The following LTBP1 variants were observed in gnomAD, a reference collection of about 807,000 sequenced individuals.
LTBP1 encodes the protein latent transforming growth factor beta binding protein 1, also known as latent-transforming growth factor beta-binding protein 1.
Under a neutral mutation model 207.6 loss-of-function variants are expected in LTBP1, and 129 were observed. The observed-to-expected ratio is 0.62, with a 90% CI of 0.54 to 0.72. The LOEUF is 0.72. Among genes scored for constraint, LTBP1 ranks in the 30% least tolerant of loss-of-function variants. The pLI is 0.00. For missense variants in LTBP1, 2,281 were observed against 2,217.2 expected (o/e 1.03, Z -0.58); for synonymous variants, 963 against 833.7 (o/e 1.16, Z -2.67).
intron 31 of LTBP1, among the ~76,000 whole-genome samples, chr2:33,376,603 A>C (rs545066055): frequency 2.3e-4 from 35 of 152,088 alleles, no homozygotes; most frequent in Non-Finnish European, 4.9e-4. Context: ...GGTGTTTCTC[A>C]TGTGTGTTTT....
chr2:33,259,614 A>T lies in LTBP1; in HGVS notation c.2418+4A>T. 1 of 1,602,498 alleles carries T rather than the reference A, an allele frequency of 6.2e-7. No individual in the cohort carries two copies. Among genetic ancestry groups the T allele is most frequent in the East Asian group, 2.2e-5 (1 of 44,688 alleles). On this transcript the variant is annotated splice_donor_region_variant and intron_variant, in intron 13 of 33. Coordinates refer to ENST00000404816, the MANE Select transcript of LTBP1 (RefSeq NM_206943.4). Reference sequence around the variant, plus strand: ...GGCAACTGCACCCCCTGAAAAGGTAATTTATTCATTGCTTGCAAGTCTTTT... The same window carrying T: ...GGCAACTGCACCCCCTGAAAAGGTATTTTATTCATTGCTTGCAAGTCTTTT...
At chr2:33,075,293 G>A (rs929464014) in intron 3 of LTBP1, among the ~76,000 whole-genome samples, 5 of 152,056 alleles carry the variant, frequency 3.3e-5, no homozygotes, top group East Asian at 1.9e-4. Context: ...GCAGGTTTTC[G>A]GTGACCTGTG....
chr2:32,966,966 A>G lies in LTBP1; in HGVS notation c.565+18021A>G, dbSNP rs148099764. ...AGAATTAGTATACTTTCTCCCTGAA[A>G]TGTTTCCTAGAATTGAACCCATCCT... On this transcript the variant is annotated intron_variant, in intron 2 of 33. Transcript: ENST00000404816. Among the ~76,000 whole-genome samples, 453 of 152,080 alleles carry G rather than the reference A, an allele frequency of 3.0e-3. 4 individuals are homozygous for G. Among genetic ancestry groups the G allele is most frequent in the African/African-American group, 0.01 (434 of 41,504 alleles).
intron 31 of LTBP1, among the ~76,000 whole-genome samples, chr2:33,365,929 C>G (rs750962504): frequency 3.3e-5 from 5 of 152,112 alleles, no homozygotes; most frequent in African/African-American, 1.2e-4. Flanking sequence ...ATGTCAATCT[C>G]TGTATGTGGA....
At chr2:33,089,695 T>C (rs1297355834) in intron 3 of LTBP1, among the ~76,000 whole-genome samples, 1 of 152,278 alleles carries the variant, frequency 6.6e-6, no homozygotes, top group Non-Finnish European at 1.5e-5. Flanking sequence ...TCTATTAATA[T>C]GTAGCACATA....
intron 8 of LTBP1, among the ~76,000 whole-genome samples, chr2:33,220,567 A>G (rs1176952673): frequency 1.3e-5 from 2 of 152,258 alleles, no homozygotes; most frequent in Admixed American, 1.3e-4. Context: ...GAAGAAAATG[A>G]ACATAAAATC....
intron 2 of LTBP1, among the ~76,000 whole-genome samples, chr2:32,949,430 A>G (rs1402140167): frequency 6.6e-6 from 1 of 152,152 alleles, no homozygotes; most frequent in East Asian, 1.9e-4. Context: ...TTGAGGCCTG[A>G]TGGTTTTCTA....
At position 33,108,553 on chromosome 2, in the gene LTBP1, A is replaced by AG. The variant is rs571641785; in HGVS notation, c.864-2023dup. Reference sequence around the variant, plus strand: ...CTTGTCCTCCGCTTCCTCAATTCAGAGGGGGGACAAGAGACAACCTCAAGT... The same window carrying AG: ...CTTGTCCTCCGCTTCCTCAATTCAGAGGGGGGGACAAGAGACAACCTCAAGT... On this transcript the variant is annotated intron_variant, in intron 3 of 33. Transcript: ENST00000404816. 5.5e-4 allele frequency among the ~76,000 whole-genome samples: 84 copies of AG among 151,998 alleles called. No homozygotes were observed. The South Asian group carries it at 5.6e-3, about 10-fold the overall frequency.
chr2:33,060,271 A>G (rs1240995951), intron 3 of LTBP1, among the ~76,000 whole-genome samples: 1 of 152,212 alleles, frequency 6.6e-6, no homozygotes, highest in Non-Finnish European at 1.5e-5. Context: ...TGGAGAGGCT[A>G]AATGACAGTT....
At chr2:33,199,838 A>G (rs2089007057) in intron 7 of LTBP1, among the ~76,000 whole-genome samples, 1 of 152,154 alleles carries the variant, frequency 6.6e-6, no homozygotes, top group Non-Finnish European at 1.5e-5. Context: ...ATAACAGACA[A>G]ACAGAGAGCC....
At chr2:32,980,745 G>A (rs2148713209) in intron 2 of LTBP1, among the ~76,000 whole-genome samples, 1 of 152,170 alleles carries the variant, frequency 6.6e-6, no homozygotes, top group East Asian at 1.9e-4. Context: ...CTCCGTTTTA[G>A]CACTTCTTAC....
At chr2:33,117,148 AG>A (rs2080793866) in intron 4 of LTBP1, among the ~76,000 whole-genome samples, 1 of 152,208 alleles carries the variant, frequency 6.6e-6, no homozygotes, top group African/African-American at 2.4e-5. Flanking sequence ...TTGTTTTCAT[AG>A]TAGCAGCTTT....
At chr2:33,173,886 C>T (rs2085735202) in intron 5 of LTBP1, among the ~76,000 whole-genome samples, 1 of 146,328 alleles carries the variant, frequency 6.8e-6, no homozygotes, top group Non-Finnish European at 1.5e-5. Context: ...AGCATATAAA[C>T]AGAACCAAAG....
At chr2:33,306,161 T>C (rs560169353) in intron 22 of LTBP1, among the ~76,000 whole-genome samples, 1 of 152,358 alleles carries the variant, frequency 6.6e-6, no homozygotes, top group African/African-American at 2.4e-5. Context: ...TAACATATGC[T>C]CAGCTTTCTA....
intron 5 of LTBP1, among the ~76,000 whole-genome samples, chr2:33,182,594 G>A (rs541083035): frequency 1.4e-4 from 21 of 149,772 alleles, no homozygotes; most frequent in African/African-American, 4.7e-4. Flanking sequence ...CCCAGGAGGC[G>A]GAGCTTGCAG....
chr2:33,235,107 A>T (rs1384906471), intron 9 of LTBP1, among the ~76,000 whole-genome samples: 1 of 152,242 alleles, frequency 6.6e-6, no homozygotes, highest in African/African-American at 2.4e-5. Context: ...ATCAGTGCAA[A>T]CAGGCAAACT....
chr2:33,069,310 C>T (rs968491793), intron 3 of LTBP1, among the ~76,000 whole-genome samples: 1 of 152,182 alleles, frequency 6.6e-6, no homozygotes, highest in Non-Finnish European at 1.5e-5. Context: ...ATACCCACAC[C>T]CTCTCCCTCT....
chr2:33,289,444 CT>C (rs750227773), intron 19 of LTBP1, among the ~76,000 whole-genome samples: 1 of 152,214 alleles, frequency 6.6e-6, no homozygotes, highest in Non-Finnish European at 1.5e-5. Context: ...ACTGCAGTCT[CT>C]AACTCCTGGG....
intron 2 of LTBP1, among the ~76,000 whole-genome samples, chr2:32,955,965 G>C (rs1248744870): frequency 6.6e-6 from 1 of 152,022 alleles, no homozygotes; most frequent in East Asian, 1.9e-4. Context: ...AAATTTTTTG[G>C]TTTCCCAGTA....
Sources: gnomAD v4.1 joint callset for allele counts (sites outside exome capture counted in the v4.1 genomes callset) on GRCh38, gnomAD v4.1.1 for gene constraint, MANE v1.5 for transcripts, NCBI Gene and HGNC (gene_info 2026-07-23, HGNC 2026-07-21) for gene names.